MBD5: variants seen among roughly 807,000 people sequenced by gnomAD.
The protein encoded by MBD5 is methyl-CpG binding domain protein 5.
MBD5 carries 13 observed loss-of-function variants against 117.3 expected under a neutral mutation model. The ratio of observed to expected loss-of-function variants is 0.11; its 90% CI spans 0.07 to 0.18. The LOEUF (loss-of-function observed/expected upper bound fraction) is 0.18, where lower values mean the gene tolerates loss of function less well. Among genes scored for constraint, MBD5 ranks in the 10% least tolerant of loss-of-function variants. The pLI, the probability that MBD5 is intolerant of heterozygous loss-of-function variation, is 1.00. For missense variants in MBD5, 1,879 were observed against 2,093.8 expected, an observed-to-expected ratio of 0.90 and a Z score of 2.00; for synonymous variants, 727 against 766.4, an observed-to-expected ratio of 0.95 and a Z score of 0.85.
rs1287461182 is a variant in MBD5 at position 148,469,170 on chromosome 2, G to A, written c.1227G>A (p.Leu409=). The A allele has an allele frequency of 1.9e-6, 3 of 1,613,918 alleles. No homozygotes were observed. The highest frequency in any genetic ancestry group is 2.5e-6 in the Non-Finnish European group (3 of 1,179,932). Residue 409 remains leucine, a synonymous_variant, in exon 8 of 14, where the codon TTG becomes TTA. Transcript: ENST00000642680. ...TTCCTTTGCCAAGTAATCTCCCATT[G>A]CCAACTGTAAAACCTGGTCACATGA... ...AVVPLPSNLP[L]PTVKPGHMNH...
chr2:148,255,629 T>C (rs1463015426), intron 3 of MBD5, among the ~76,000 whole-genome samples: 1 of 152,164 alleles, frequency 6.6e-6, no homozygotes, highest in African/African-American at 2.4e-5. Context: ...TTAGTGTGTA[T>C]CTACAACTGA....
intron 1 of MBD5, among the ~76,000 whole-genome samples, chr2:148,157,797 C>G (rs184668056): frequency 1.3e-5 from 2 of 152,126 alleles, no homozygotes; most frequent in Non-Finnish European, 2.9e-5. Flanking sequence ...GAAATGGGCT[C>G]TCTCAGGTGC....
At chr2:148,318,330 T>C (rs1208316541) in intron 3 of MBD5, among the ~76,000 whole-genome samples, 1 of 152,020 alleles carries the variant, frequency 6.6e-6, no homozygotes, top group African/African-American at 2.4e-5. Flanking sequence ...TTGTGAGTTG[T>C]TTGAGCTCCT....
At chr2:148,286,058 CAAT>C (rs1239683933) in intron 3 of MBD5, among the ~76,000 whole-genome samples, 1 of 151,948 alleles carries the variant, frequency 6.6e-6, no homozygotes, top group Non-Finnish European at 1.5e-5. Flanking sequence ...TAGTATTTAG[CAAT>C]AATATTTCAA....
At chr2:148,214,404 T>C (rs1699502459) in intron 2 of MBD5, among the ~76,000 whole-genome samples, 2 of 152,200 alleles carry the variant, frequency 1.3e-5, no homozygotes, top group Admixed American at 6.5e-5. Context: ...CATTTAAAAA[T>C]GTAAAAACAA....
At chr2:148,412,804 G>A (rs565332889) in intron 4 of MBD5, among the ~76,000 whole-genome samples, 5 of 152,070 alleles carry the variant, frequency 3.3e-5, no homozygotes, top group Non-Finnish European at 4.4e-5. Flanking sequence ...CATTGATTTT[G>A]TGTCCTGAAA....
chr2:148,408,142 A>G (rs147349757), intron 4 of MBD5, among the ~76,000 whole-genome samples: 1 of 152,320 alleles, frequency 6.6e-6, no homozygotes, highest in East Asian at 1.9e-4. Context: ...ATAAAGAAGA[A>G]AATCTTCAAA....
intron 1 of MBD5, among the ~76,000 whole-genome samples, chr2:148,064,114 C>T (rs2105015521): frequency 6.7e-6 from 1 of 148,254 alleles, no homozygotes; most frequent in African/African-American, 2.5e-5. Flanking sequence ...CTATTCCCAC[C>T]AGCTGTCTTT....
Position 148,469,329 on chromosome 2 carries a change from A to G in MBD5, c.1386A>G (p.Ser462=), listed in dbSNP as rs2105632499. 1.2e-6 allele frequency: 2 copies of G among 1,613,752 alleles called. No individual in the cohort carries two copies. Among genetic ancestry groups the G allele is most frequent in the African/African-American group, 2.7e-5 (2 of 75,038 alleles). ...RIEASPQRSR[S]SSTSSDHGNF... is the part of the protein sequence containing the mutation. Reference sequence around the variant, plus strand: ...AGGCATCGCCCCAAAGATCACGCTCATCTTCCACATCATCAGATCATGGAA... The same window carrying G: ...AGGCATCGCCCCAAAGATCACGCTCGTCTTCCACATCATCAGATCATGGAA... The change falls in exon 8 of 14, where the codon TCA becomes TCG. Residue 462 remains serine, a synonymous_variant. Coordinates refer to ENST00000642680, the MANE Select transcript of MBD5 (RefSeq NM_001378120.1).
intron 4 of MBD5, among the ~76,000 whole-genome samples, chr2:148,397,646 T>G (rs1200100010): frequency 6.6e-6 from 1 of 152,204 alleles, no homozygotes; most frequent in South Asian, 2.1e-4. Flanking sequence ...TATATTTTAT[T>G]TATTTTATTT....
At chr2:148,227,803 G>C (rs1699872445) in intron 2 of MBD5, among the ~76,000 whole-genome samples, 1 of 152,130 alleles carries the variant, frequency 6.6e-6, no homozygotes, top group Non-Finnish European at 1.5e-5. Flanking sequence ...GCAGTGGTTT[G>C]TAGTTCTCCT....
At chr2:148,063,706 C>T (rs1295131661) in intron 1 of MBD5, among the ~76,000 whole-genome samples, 2 of 151,974 alleles carry the variant, frequency 1.3e-5, no homozygotes, top group Non-Finnish European at 2.9e-5. Flanking sequence ...GGTGGCCTTT[C>T]CCACCACTGT....
chr2:148,329,055 A>G (rs902618087), intron 3 of MBD5, among the ~76,000 whole-genome samples: 3 of 152,206 alleles, frequency 2.0e-5, no homozygotes, highest in Admixed American at 6.5e-5. Context: ...TATTACATTC[A>G]CTGTCATTAG....
At chr2:148,495,371 A>G (rs1210414046) in intron 11 of MBD5, among the ~76,000 whole-genome samples, 1 of 152,204 alleles carries the variant, frequency 6.6e-6, no homozygotes, top group Non-Finnish European at 1.5e-5. Flanking sequence ...ATTTTATGTT[A>G]ACTAGCTTAA....
chr2:148,362,655 T>C (rs1335887014), intron 4 of MBD5, among the ~76,000 whole-genome samples: 1 of 152,146 alleles, frequency 6.6e-6, no homozygotes, highest in Non-Finnish European at 1.5e-5. Context: ...AGACTACCTC[T>C]TCAAGTGGGT....
intron 4 of MBD5, among the ~76,000 whole-genome samples, chr2:148,456,032 C>G (rs890281118): frequency 3.3e-5 from 5 of 152,126 alleles, no homozygotes; most frequent in Non-Finnish European, 5.9e-5. Flanking sequence ...ATTGACCCGT[C>G]CTAACTTCCT....
chr2:148,349,596 A>G (rs1188597062), intron 4 of MBD5, among the ~76,000 whole-genome samples: 1 of 151,970 alleles, frequency 6.6e-6, no homozygotes, highest in Non-Finnish European at 1.5e-5. Context: ...ACAGCAGGAA[A>G]CTGAGGTTCT....
intron 1 of MBD5, among the ~76,000 whole-genome samples, chr2:148,139,769 C>T (rs948881816): frequency 6.6e-6 from 1 of 152,070 alleles, no homozygotes; most frequent in Non-Finnish European, 1.5e-5. Flanking sequence ...ATATGTTCAC[C>T]AGATGTACAC....
At chr2:148,256,991 A>G (rs1469607179) in intron 3 of MBD5, among the ~76,000 whole-genome samples, 2 of 152,204 alleles carry the variant, frequency 1.3e-5, no homozygotes, top group Non-Finnish European at 2.9e-5. Context: ...ATCCTGCTAT[A>G]GGCTAAGTCA....
Sources: gnomAD v4.1 joint callset for allele counts (sites outside exome capture counted in the v4.1 genomes callset) on GRCh38, gnomAD v4.1.1 for gene constraint, MANE v1.5 for transcripts, NCBI Gene and HGNC (gene_info 2026-07-23, HGNC 2026-07-21) for gene names.